The following CDKAL1 variants were observed in gnomAD, a reference collection of about 807,000 sequenced individuals.
CDKAL1 encodes CDKAL1 threonylcarbamoyladenosine tRNA methylthiotransferase.
CDKAL1 carries 32 observed loss-of-function variants against 68.2 expected under a neutral mutation model. That is an observed-to-expected ratio of 0.47 (90% CI 0.35 to 0.63). The LOEUF (loss-of-function observed/expected upper bound fraction) is 0.63, where lower values mean the gene tolerates loss of function less well. CDKAL1 is among the 30% of genes least tolerant of loss of function. The pLI is 0.00. For synonymous variants in CDKAL1, 234 were observed against 244.3 expected (o/e 0.96, Z 0.39); for missense variants, 606 against 696.7 (o/e 0.87, Z 1.47).
At chr6:20,735,430 G>T (rs1773144381) in intron 5 of CDKAL1, among the ~76,000 whole-genome samples, 1 of 152,100 alleles carries the variant, frequency 6.6e-6, no homozygotes, top group Non-Finnish European at 1.5e-5. Flanking sequence ...AAATGGGAAA[G>T]CCCCTTATAA....
intron 11 of CDKAL1, among the ~76,000 whole-genome samples, chr6:21,005,329 C>G (rs972984441): frequency 6.6e-6 from 1 of 152,168 alleles, no homozygotes; most frequent in Non-Finnish European, 1.5e-5. Flanking sequence ...AGTTCTTAAG[C>G]ATATGTTTTA....
intron 13 of CDKAL1, among the ~76,000 whole-genome samples, chr6:21,165,533 T>C (rs538920282): frequency 6.6e-6 from 1 of 152,358 alleles, no homozygotes; most frequent in South Asian, 2.1e-4. Context: ...TCATTTTGCT[T>C]TACAGAGAAG....
At position 20,568,753 on chromosome 6, in the gene CDKAL1, A is replaced by AAAAAAAC. The variant is rs1561931956; in HGVS notation, c.286+20053_286+20054insACAAAAA. Among the ~76,000 whole-genome samples the AAAAAAAC allele has an allele frequency of 1.6e-4, 21 of 127,504 alleles. 2 individuals are homozygous for AAAAAAAC. Among genetic ancestry groups the AAAAAAAC allele is most frequent in the South Asian group, 2.3e-4 (1 of 4,358 alleles). 83.6% of individuals were successfully genotyped at this position (127,504 alleles called of 152,430 possible). ...CCGCCTCAAAAAAAAAAAAAAAACA[A>AAAAAAAC]AAAAACAAAAAAACAAAGAAATGTG... is the stretch of plus-strand genomic sequence containing the variant. On this transcript the variant is annotated intron_variant, in intron 4 of 15. Coordinates refer to ENST00000274695, the MANE Select transcript of CDKAL1 (RefSeq NM_017774.3).
At chr6:20,587,655 C>T (rs1765428206) in intron 4 of CDKAL1, among the ~76,000 whole-genome samples, 1 of 152,114 alleles carries the variant, frequency 6.6e-6, no homozygotes, top group Non-Finnish European at 1.5e-5. Context: ...ATTTCTTGAG[C>T]CCCAGATTTT....
At position 20,964,619 on chromosome 6, in the gene CDKAL1, G is replaced by A. The variant is rs528237276; in HGVS notation, c.909+9034G>A. On this transcript the variant is annotated intron_variant, in intron 10 of 15. Transcript: ENST00000274695. Reference sequence around the variant, plus strand: ...TGGTGAGAACACGTGGACACATGGCGGGGAACAACACACACTGGGGCCTGT... The same window carrying A: ...TGGTGAGAACACGTGGACACATGGCAGGGAACAACACACACTGGGGCCTGT... Among the ~76,000 whole-genome samples the A allele has an allele frequency of 2.6e-5, 4 of 152,236 alleles. No individual in the cohort carries two copies. In the South Asian group the frequency reaches 6.2e-4, roughly 24 times the overall value.
Position 20,976,122 on chromosome 6 carries a change from A to C in CDKAL1, c.909+20537A>C, listed in dbSNP as rs538001990. Among the ~76,000 whole-genome samples the C allele has an allele frequency of 3.3e-5, 5 of 152,224 alleles. No individual in the cohort carries two copies. The South Asian group carries it at 1.0e-3, about 32-fold the overall frequency. ...TCCAGAATGTCATATAATTGCAATC[A>C]TACCCTTTTCAGATTAGCTTCTTTC... On this transcript the variant is annotated intron_variant, in intron 10 of 15. Coordinates refer to ENST00000274695, the MANE Select transcript of CDKAL1 (RefSeq NM_017774.3).
intron 7 of CDKAL1, among the ~76,000 whole-genome samples, chr6:20,772,169 G>A (rs1376055985): frequency 1.3e-5 from 2 of 152,160 alleles, no homozygotes; most frequent in Non-Finnish European, 2.9e-5. Context: ...ATGAGAAATC[G>A]TTATGTTCTG....
intron 4 of CDKAL1, among the ~76,000 whole-genome samples, chr6:20,579,039 G>A (rs750496519): frequency 6.6e-6 from 1 of 152,130 alleles, no homozygotes; most frequent in East Asian, 1.9e-4. Flanking sequence ...GTGCAGCAGC[G>A]CAATCTCGGC....
At chr6:20,834,181 T>C (rs1208595353) in intron 8 of CDKAL1, among the ~76,000 whole-genome samples, 1 of 152,200 alleles carries the variant, frequency 6.6e-6, no homozygotes, top group East Asian at 1.9e-4. Flanking sequence ...CCTTGCCTGG[T>C]CATCCTTTCT....
At chr6:21,037,485 T>G (rs1769656058) in intron 11 of CDKAL1, among the ~76,000 whole-genome samples, 1 of 152,220 alleles carries the variant, frequency 6.6e-6, no homozygotes, top group African/African-American at 2.4e-5. Flanking sequence ...GGTTTATTTC[T>G]TAAGTTCTAT....
At chr6:21,130,087 C>T (rs190410048) in intron 13 of CDKAL1, among the ~76,000 whole-genome samples, 1 of 151,868 alleles carries the variant, frequency 6.6e-6, no homozygotes, top group Admixed American at 6.6e-5. Context: ...GGTTTTTTGT[C>T]ATTATTTATT....
intron 4 of CDKAL1, among the ~76,000 whole-genome samples, chr6:20,632,361 T>C (rs1485485866): frequency 6.6e-6 from 1 of 152,174 alleles, no homozygotes; most frequent in Admixed American, 6.5e-5. Context: ...AGATGAAAAT[T>C]CAAAATTTGA....
intron 4 of CDKAL1, among the ~76,000 whole-genome samples, chr6:20,575,876 C>T (rs1255857589): frequency 2.6e-5 from 4 of 152,114 alleles, no homozygotes; most frequent in Non-Finnish European, 5.9e-5. Flanking sequence ...CATGGCAACA[C>T]ACTCTATCAA....
At chr6:21,069,770 C>CTTTTTTTTTT (rs1771654458) in intron 12 of CDKAL1, among the ~76,000 whole-genome samples, 1 of 42,254 alleles carries the variant, frequency 2.4e-5, no homozygotes. Flanking sequence ...CCCAGATTTT[C>CTTTTTTTTTT]TTTCTTTTTT....
chr6:21,115,315 G>A (rs374970326), intron 13 of CDKAL1, among the ~76,000 whole-genome samples: 1 of 152,192 alleles, frequency 6.6e-6, no homozygotes, highest in Admixed American at 6.5e-5. Flanking sequence ...ACATAATGTA[G>A]CAACAGAGTG....
chr6:20,650,350 C>T (rs533436687), intron 5 of CDKAL1, among the ~76,000 whole-genome samples: 7 of 152,116 alleles, frequency 4.6e-5, no homozygotes, highest in Non-Finnish European at 8.8e-5. Context: ...TTTTTTGCTG[C>T]ATAAATGTCT....
rs1013136627 is a variant in CDKAL1, at chr6:21,108,012, C to A, written c.1237-389C>A. Among the ~76,000 whole-genome samples the A allele has an allele frequency of 2.0e-5, 3 of 152,268 alleles. No individual in the cohort carries two copies. In the East Asian group the frequency reaches 5.8e-4, roughly 29 times the overall value. Reference sequence around the variant, plus strand: ...CGTTTAAATGAATGCATGTCTGTGCCCAATTCTGAGTAACAGCAGTTGGTA... The same window carrying A: ...CGTTTAAATGAATGCATGTCTGTGCACAATTCTGAGTAACAGCAGTTGGTA... On this transcript the variant is annotated intron_variant, in intron 12 of 15. Coordinates refer to ENST00000274695, the MANE Select transcript of CDKAL1 (RefSeq NM_017774.3).
intron 13 of CDKAL1, among the ~76,000 whole-genome samples, chr6:21,143,051 C>G (rs1272824679): frequency 6.6e-6 from 1 of 152,192 alleles, no homozygotes; most frequent in East Asian, 1.9e-4. Flanking sequence ...AATGCATGAT[C>G]TATGCAGCAT....
intron 15 of CDKAL1, among the ~76,000 whole-genome samples, chr6:21,215,768 C>G (rs947543619): frequency 6.6e-6 from 1 of 152,202 alleles, no homozygotes; most frequent in Non-Finnish European, 1.5e-5. Context: ...CAGTATCACC[C>G]TGGGGACCTG....
Sources: allele counts gnomAD v4.1 joint callset (sites outside exome capture counted in the v4.1 genomes callset), GRCh38; gene constraint gnomAD v4.1.1; transcripts MANE v1.5; gene names NCBI Gene and HGNC (gene_info 2026-07-23, HGNC 2026-07-21).